The following ACOT12 variants were observed in gnomAD, a reference collection of about 807,000 sequenced individuals.
ACOT12 encodes the protein acetyl-coenzyme A thioesterase.
In ACOT12, 51 loss-of-function variants were observed where a neutral mutation model predicts 67.7. The observed-to-expected ratio is 0.75, with a 90% confidence interval of 0.60 to 0.95. The LOEUF (loss-of-function observed/expected upper bound fraction) is 0.95. Ranked by LOEUF, ACOT12 falls within the 40% of genes least tolerant of loss-of-function variation. The probability of loss-of-function intolerance (pLI) is 0.00; values close to 1 mark genes in which losing one functional copy is unlikely to be tolerated. For synonymous variants in ACOT12, 251 were observed against 244.6 expected, an observed-to-expected ratio of 1.03 and a Z score of -0.24; for missense variants, 734 against 708.1, an observed-to-expected ratio of 1.04 and a Z score of -0.41.
chr5:81,334,657 T>C (rs149647707), intron 12 of ACOT12, among the ~76,000 whole-genome samples: 150 of 152,372 alleles, frequency 9.8e-4, no homozygotes, highest in African/African-American at 3.5e-3. Flanking sequence ...AATTTGAAGA[T>C]GAGCCTCTAT....
In ACOT12 at chr5:81,364,586, C is replaced by A. The variant is rs976889781; in HGVS notation, c.259-697G>T. 2.6e-5 allele frequency among the ~76,000 whole-genome samples: 4 copies of A among 152,062 alleles called. 1 individual carries two copies. The South Asian group carries it at 8.3e-4, about 32-fold the overall frequency. On this transcript the variant is annotated intron_variant, in intron 3 of 14. Transcript: ENST00000307624. ...GGGACTACAGGCACGCAGCACTACA[C>A]CCAGCTAATTTTTTGTATTTTTAGT...
intron 5 of ACOT12, among the ~76,000 whole-genome samples, chr5:81,359,320 C>G (rs1308429094): frequency 6.6e-6 from 1 of 152,136 alleles, no homozygotes; most frequent in Admixed American, 6.5e-5. Context: ...TCTGCCTTTC[C>G]CTACCAGTCT....
intron 2 of ACOT12, among the ~76,000 whole-genome samples, chr5:81,380,368 A>G (rs1204623884): frequency 6.6e-6 from 1 of 152,128 alleles, no homozygotes; most frequent in Non-Finnish European, 1.5e-5. Flanking sequence ...GTTTGAGACC[A>G]GCCTGGCCAA....
the ACOT12 span, among the ~76,000 whole-genome samples, chr5:81,323,898 G>A: frequency 5.1e-3 from 420 of 82,904 alleles, 1 homozygote; most frequent in Non-Finnish European, 0.01. Context: ...ACATATATAC[G>A]TATATATACA....
intron 8 of ACOT12, among the ~76,000 whole-genome samples, chr5:81,344,441 A>C (rs1759307973): frequency 6.6e-6 from 1 of 152,226 alleles, no homozygotes; most frequent in Non-Finnish European, 1.5e-5. Context: ...TCCTTTTCTC[A>C]AAAGTGGAGA....
intron 2 of ACOT12, among the ~76,000 whole-genome samples, chr5:81,374,947 C>G (rs191336679): frequency 1.7e-3 from 252 of 152,266 alleles, no homozygotes; most frequent in African/African-American, 5.8e-3. Flanking sequence ...ACTTCCCCAA[C>G]CTAGCAAGAC....
chr5:81,332,678 C>T, intron 12 of ACOT12, 73 bp from the exon 13 acceptor site: 2 of 1,561,234 alleles, frequency 1.3e-6, no homozygotes, highest in South Asian at 2.3e-5. Flanking sequence ...TATTTGCTTA[C>T]ATAATCTCAT....
chr5:81,373,925 T>C (rs1004026885), intron 2 of ACOT12, among the ~76,000 whole-genome samples: 1 of 152,154 alleles, frequency 6.6e-6, no homozygotes, highest in East Asian at 1.9e-4. Flanking sequence ...CAGACTTAAA[T>C]GTCCCTGCCT....
chr5:81,389,645 G>A (rs1414874245), intron 1 of ACOT12, among the ~76,000 whole-genome samples: 1 of 152,086 alleles, frequency 6.6e-6, no homozygotes, highest in African/African-American at 2.4e-5. Flanking sequence ...CTCCTGCTCA[G>A]CCTCCTGAGT....
the ACOT12 span, among the ~76,000 whole-genome samples, chr5:81,318,850 G>A: frequency 6.6e-6 from 1 of 152,188 alleles, no homozygotes; most frequent in East Asian, 1.9e-4. Context: ...CTAAATCAAA[G>A]GCAAGCTTTA....
chr5:81,348,061 T>A, intron 5 of ACOT12, 131 bp from the exon 6 acceptor site: 2 of 957,444 alleles, frequency 2.1e-6, no homozygotes, highest in Non-Finnish European at 3.0e-6. Flanking sequence ...GCCTTAAGAC[T>A]GAGAAAATTG....
At chr5:81,384,117 CTTT>C (rs35675731) in intron 2 of ACOT12, among the ~76,000 whole-genome samples, 2 of 118,722 alleles carry the variant, frequency 1.7e-5, no homozygotes, top group African/African-American at 6.4e-5. Context: ...CATAGGTGTA[CTTT>C]TTTTTTTTTT....
intron 3 of ACOT12, among the ~76,000 whole-genome samples, chr5:81,366,590 A>G (rs1038632320): frequency 2.0e-5 from 3 of 152,332 alleles, no homozygotes; most frequent in African/African-American, 7.2e-5. Flanking sequence ...AACATAAATT[A>G]ATGGGTGTAC....
the ACOT12 span, among the ~76,000 whole-genome samples, chr5:81,317,457 G>A: frequency 8.0e-5 from 12 of 150,888 alleles, no homozygotes; most frequent in South Asian, 1.7e-3. Flanking sequence ...AGCCGAGATC[G>A]TGCCACTGCA....
chr5:81,366,045 A>G (rs1223414531), intron 3 of ACOT12, among the ~76,000 whole-genome samples: 2 of 152,214 alleles, frequency 1.3e-5, no homozygotes, highest in African/African-American at 4.8e-5. Flanking sequence ...ACAGCTGGGG[A>G]TCTTTTGAGT....
At chr5:81,393,903 G>A (rs1422037736) in intron 1 of ACOT12, 85 bp downstream of exon 1, 1 of 1,235,740 alleles carries the variant, frequency 8.1e-7, no homozygotes, top group African/African-American at 1.8e-5. Context: ...TACCTTCCTC[G>A]CCTTCCTACC....
intron 1 of ACOT12, among the ~76,000 whole-genome samples, chr5:81,386,178 T>TA (rs1420764078): frequency 6.6e-6 from 1 of 152,208 alleles, no homozygotes; most frequent in Non-Finnish European, 1.5e-5. Context: ...CTTCTTGTTT[T>TA]AAAATCAAAG....
chr5:81,330,219 A>G lies in ACOT12; in HGVS notation c.*175T>C, dbSNP rs1451250951. On this transcript the variant is annotated 3_prime_UTR_variant, in exon 15 of 15. Coordinates refer to ENST00000307624, the MANE Select transcript of ACOT12 (RefSeq NM_130767.3). Reference sequence around the variant, plus strand: ...GAATTCTAAAGCTCTTTTAATGCTAATCCAAATCACTGGTATTTGACTTAA... The same window carrying G: ...GAATTCTAAAGCTCTTTTAATGCTAGTCCAAATCACTGGTATTTGACTTAA... The G allele has an allele frequency of 4.6e-6, 3 of 651,492 alleles. No individual in the cohort carries two copies. The highest frequency in any genetic ancestry group is 2.8e-5 in the East Asian group (1 of 35,094). The allele number at this position is 651,492 out of a possible 1,614,324, so 40.4% of individuals were successfully genotyped here. A position where few individuals can be genotyped will look rare whatever the true frequency, so the allele number is the denominator to read the frequency against.
At chr5:81,371,669 G>A (rs1760257976) in intron 3 of ACOT12, 81 bp downstream of exon 3, 3 of 1,372,186 alleles carry the variant, frequency 2.2e-6, no homozygotes, top group South Asian at 1.2e-5. Context: ...CCAAATATTA[G>A]TCTAGGCCTC....
Sources: gnomAD v4.1 joint callset for allele counts (sites outside exome capture counted in the v4.1 genomes callset) on GRCh38, gnomAD v4.1.1 for gene constraint, MANE v1.5 for transcripts, NCBI Gene and HGNC (gene_info 2026-07-23, HGNC 2026-07-21) for gene names.